Variants in TEAD1 observed in about 807,000 individuals in gnomAD.
TEAD1 encodes the protein TEA domain transcription factor 1.
Under a neutral mutation model 54.9 loss-of-function variants are expected in TEAD1, and 9 were observed. The ratio of observed to expected loss-of-function variants is 0.16; its 90% CI spans 0.10 to 0.29. The LOEUF is 0.29. Among genes scored for constraint, TEAD1 ranks in the 10% least tolerant of loss-of-function variants. The probability of loss-of-function intolerance (pLI) is 1.00; values close to 1 mark genes in which losing one functional copy is unlikely to be tolerated. For synonymous variants in TEAD1, 200 were observed against 187.8 expected, an observed-to-expected ratio of 1.07 and a Z score of -0.53; for missense variants, 387 against 535.9, an observed-to-expected ratio of 0.72 and a Z score of 2.74.
chr11:12,913,956 A>C (rs1168428814), intron 10 of TEAD1, among the ~76,000 whole-genome samples: 2 of 152,276 alleles, frequency 1.3e-5, no homozygotes, highest in Non-Finnish European at 2.9e-5. Context: ...TGAATGAGAA[A>C]GGTTTGGGGC....
At chr11:12,808,839 C>G (rs1435314940) in intron 3 of TEAD1, among the ~76,000 whole-genome samples, 5 of 152,078 alleles carry the variant, frequency 3.3e-5, no homozygotes, top group Non-Finnish European at 5.9e-5. Flanking sequence ...TTTCAGTTTC[C>G]TTTTCTGTAA....
intron 3 of TEAD1, among the ~76,000 whole-genome samples, chr11:12,793,536 A>C (rs925683229): frequency 2.6e-5 from 4 of 152,132 alleles, no homozygotes; most frequent in African/African-American, 9.7e-5. Context: ...AATATTGTTT[A>C]ATTTTGTTCA....
intron 3 of TEAD1, among the ~76,000 whole-genome samples, chr11:12,812,477 T>C (rs1400061681): frequency 3.9e-5 from 6 of 152,200 alleles, no homozygotes; most frequent in Non-Finnish European, 8.8e-5. Flanking sequence ...CAGAGCCTAA[T>C]ATGGACAGCA....
intron 2 of TEAD1, among the ~76,000 whole-genome samples, chr11:12,698,214 G>C (rs544047250): frequency 6.6e-6 from 1 of 152,292 alleles, no homozygotes; most frequent in South Asian, 2.1e-4. Context: ...GAGGAAGCGG[G>C]GACCGGGAGG....
intron 2 of TEAD1, among the ~76,000 whole-genome samples, chr11:12,681,913 T>G (rs1415952279): frequency 6.6e-6 from 1 of 152,238 alleles, no homozygotes; most frequent in African/African-American, 2.4e-5. Context: ...TCAGCCTCTT[T>G]CTGTTCCTGC....
chr11:12,867,993 C>T (rs931909806), intron 5 of TEAD1, among the ~76,000 whole-genome samples: 2 of 152,320 alleles, frequency 1.3e-5, no homozygotes, highest in Non-Finnish European at 2.9e-5. Flanking sequence ...ACCACTTCTC[C>T]ACAAACTCAG....
At chr11:12,895,460 C>A (rs1399244069) in intron 9 of TEAD1, among the ~76,000 whole-genome samples, 1 of 152,204 alleles carries the variant, frequency 6.6e-6, no homozygotes, top group Non-Finnish European at 1.5e-5. Flanking sequence ...AGACAAGCGT[C>A]CCAGCTCCTG....
chr11:12,934,587 A>G (rs1949067949), intron 12 of TEAD1, among the ~76,000 whole-genome samples: 1 of 152,008 alleles, frequency 6.6e-6, no homozygotes. Flanking sequence ...AAAAAAAAGA[A>G]TGGATAGAAA....
intron 8 of TEAD1, 73 bp downstream of exon 8, chr11:12,882,030 C>G: frequency 6.5e-7 from 1 of 1,533,142 alleles, no homozygotes; most frequent in Non-Finnish European, 9.0e-7. Context: ...CACTTTGTTC[C>G]CAGAGTCAAG....
At chr11:12,862,335 A>G in intron 4 of TEAD1, 21 bp downstream of exon 4, 1 of 1,612,464 alleles carries the variant, frequency 6.2e-7, no homozygotes. Flanking sequence ...CCACCTGGAA[A>G]TTGTGCATGT....
At chr11:12,884,045 A>G (rs1181033584) in intron 9 of TEAD1, among the ~76,000 whole-genome samples, 1 of 151,694 alleles carries the variant, frequency 6.6e-6, no homozygotes, top group Non-Finnish European at 1.5e-5. Context: ...GCAGTTTGCC[A>G]TAGAGTGCAG....
At chr11:12,926,442 T>C (rs927779019) in intron 11 of TEAD1, among the ~76,000 whole-genome samples, 4 of 152,178 alleles carry the variant, frequency 2.6e-5, no homozygotes, top group African/African-American at 9.7e-5. Flanking sequence ...GAATGGAACT[T>C]AGAAACTAAC....
intron 3 of TEAD1, among the ~76,000 whole-genome samples, chr11:12,815,957 G>A (rs923758991): frequency 6.6e-6 from 1 of 152,226 alleles, no homozygotes; most frequent in Non-Finnish European, 1.5e-5. Flanking sequence ...TAAATTACAT[G>A]TTACAGCACT....
At chr11:12,913,973 A>T (rs1024100337) in intron 10 of TEAD1, among the ~76,000 whole-genome samples, 5 of 152,218 alleles carry the variant, frequency 3.3e-5, no homozygotes, top group Non-Finnish European at 5.9e-5. Flanking sequence ...GGGCCAGCTC[A>T]GCTGGGCACC....
At chr11:12,909,755 G>A (rs1948584760) in intron 10 of TEAD1, among the ~76,000 whole-genome samples, 1 of 152,100 alleles carries the variant, frequency 6.6e-6, no homozygotes, top group Admixed American at 6.5e-5. Flanking sequence ...GCCATTCCCT[G>A]GACACCTTAG....
intron 3 of TEAD1, among the ~76,000 whole-genome samples, chr11:12,836,106 CAGTT>C (rs1946885519): frequency 6.6e-6 from 1 of 151,988 alleles, no homozygotes. Context: ...ATTTATCTGT[CAGTT>C]AGAAGCAAAA....
At chr11:12,684,984 T>G (rs917213412) in intron 2 of TEAD1, among the ~76,000 whole-genome samples, 2 of 152,184 alleles carry the variant, frequency 1.3e-5, no homozygotes, top group Admixed American at 1.3e-4. Context: ...TGATAGAACC[T>G]TGTGTTTTCG....
chr11:12,687,897 C>A (rs1943366993), intron 2 of TEAD1, among the ~76,000 whole-genome samples: 1 of 152,242 alleles, frequency 6.6e-6, no homozygotes, highest in Non-Finnish European at 1.5e-5. Context: ...CCGGGCCAGG[C>A]TAATCCAAAC....
chr11:12,895,777 C>T (rs1176931505), intron 9 of TEAD1, among the ~76,000 whole-genome samples: 1 of 152,200 alleles, frequency 6.6e-6, no homozygotes, highest in Admixed American at 6.5e-5. Flanking sequence ...CCATTGCTTG[C>T]AGCCTTTTCA....
Sources: allele counts gnomAD v4.1 joint callset (sites outside exome capture counted in the v4.1 genomes callset), GRCh38; gene constraint gnomAD v4.1.1; transcripts MANE v1.5; gene names NCBI Gene and HGNC (gene_info 2026-07-23, HGNC 2026-07-21).